The following CCDC150 variants were observed in gnomAD, a reference collection of about 807,000 sequenced individuals.
The protein encoded by CCDC150 is coiled-coil domain-containing protein 150.
Under a neutral mutation model 156.5 loss-of-function variants are expected in CCDC150, and 151 were observed. That is an observed-to-expected ratio of 0.97 (90% CI 0.85 to 1.10). The LOEUF (loss-of-function observed/expected upper bound fraction) is 1.10, where lower values mean the gene tolerates loss of function less well. Among genes scored for constraint, CCDC150 ranks in the 50% least tolerant of loss-of-function variants. CCDC150 has a pLI of 0.00. For missense variants in CCDC150, 1,312 were observed against 1,268.1 expected (o/e 1.03, Z -0.53); for synonymous variants, 452 against 429.4 (o/e 1.05, Z -0.65).
chr2:196,696,823 T>C (rs1695858928), intron 14 of CCDC150, among the ~76,000 whole-genome samples: 1 of 152,242 alleles, frequency 6.6e-6, no homozygotes, highest in Non-Finnish European at 1.5e-5. Context: ...TGAAATTCTT[T>C]ATAAAGAGTA....
chr2:196,692,180 T>C (rs1362335548), intron 13 of CCDC150, among the ~76,000 whole-genome samples: 3 of 139,656 alleles, frequency 2.1e-5, no homozygotes, highest in African/African-American at 8.0e-5. Context: ...CAGGCCGGAC[T>C]GCGGACTGCA....
At chr2:196,688,236 A>G (rs1183822348) in intron 13 of CCDC150, among the ~76,000 whole-genome samples, 2 of 152,210 alleles carry the variant, frequency 1.3e-5, no homozygotes, top group Non-Finnish European at 2.9e-5. Context: ...ATCCATGAGC[A>G]TGGAATGTTT....
intron 21 of CCDC150, among the ~76,000 whole-genome samples, chr2:196,725,430 A>G (rs1303061902): frequency 6.6e-6 from 1 of 152,232 alleles, no homozygotes; most frequent in African/African-American, 2.4e-5. Context: ...AAGATTAATC[A>G]TGGGTCTTGA....
chr2:196,712,446 C>A (rs532736865), intron 16 of CCDC150, 194 bp downstream of exon 16: 2 of 567,530 alleles, frequency 3.5e-6, no homozygotes, highest in East Asian at 5.6e-5. Context: ...TGTAAAGATA[C>A]CTGAAGCAGG....
chr2:196,657,388 G>A, intron 4 of CCDC150: 1 of 404,416 alleles, frequency 2.5e-6, no homozygotes, highest in Non-Finnish European at 4.6e-6. Flanking sequence ...GGGTCCAGAG[G>A]TATGAGATAG....
At chr2:196,732,406 C>A in intron 27 of CCDC150, 40 bp from the exon 28 acceptor site, 1 of 1,438,616 alleles carries the variant, frequency 7.0e-7, no homozygotes, top group Non-Finnish European at 9.8e-7. Context: ...CTGCAGTTAG[C>A]TCTGAACAGT....
At chr2:196,694,435 GGAACTA>G (rs1478861625) in intron 13 of CCDC150, among the ~76,000 whole-genome samples, 2 of 152,076 alleles carry the variant, frequency 1.3e-5, no homozygotes, top group African/African-American at 4.8e-5. Flanking sequence ...ATAGTAAAGG[GGAACTA>G]TATAATTTAC....
intron 18 of CCDC150, 65 bp downstream of exon 18, chr2:196,718,696 G>A (rs1697692901): frequency 6.5e-7 from 1 of 1,545,098 alleles, no homozygotes; most frequent in Non-Finnish European, 8.7e-7. Context: ...TCTTTCATGA[G>A]CCATATGTTT....
At chr2:196,669,202 A>G (rs988864948) in intron 7 of CCDC150, among the ~76,000 whole-genome samples, 4 of 152,154 alleles carry the variant, frequency 2.6e-5, no homozygotes, top group African/African-American at 9.7e-5. Flanking sequence ...AAATATCTAC[A>G]TTTGGATGCC....
intron 13 of CCDC150, among the ~76,000 whole-genome samples, chr2:196,686,499 A>C (rs1695138059): frequency 6.6e-6 from 1 of 152,204 alleles, no homozygotes; most frequent in Non-Finnish European, 1.5e-5. Context: ...TTAACATCTC[A>C]GCAATATTGA....
At chr2:196,670,918 C>A (rs1279090118) in intron 8 of CCDC150, among the ~76,000 whole-genome samples, 1 of 152,050 alleles carries the variant, frequency 6.6e-6, no homozygotes, top group African/African-American at 2.4e-5. Flanking sequence ...AGAGATTTCC[C>A]AAATACCTTC....
chr2:196,664,780 C>G (rs79028731), intron 5 of CCDC150, among the ~76,000 whole-genome samples: 3,727 of 152,218 alleles, frequency 0.024, 57 homozygotes, highest in Non-Finnish European at 0.039. Context: ...CCCCCACCCC[C>G]CAGCCAATCA....
rs781134730 is a variant in CCDC150 at position 196,701,179 on chromosome 2, A to G, written c.1694A>G (p.Gln565Arg). 7.6e-6 allele frequency: 12 copies of G among 1,578,106 alleles called. No homozygotes were observed. In the East Asian group the frequency reaches 2.2e-4, roughly 30 times the overall value. Residue 565 changes from glutamine (Q) to arginine (R), a missense_variant and splice_region_variant, in exon 15 of 28, where the codon CAG (glutamine) becomes CGG (arginine). Coordinates refer to ENST00000389175, the MANE Select transcript of CCDC150 (RefSeq NM_001080539.2). ...NKLAYENGKL[Q>R]IKVKQLEEQV... ...CTGGCCTATGAAAACGGAAAACTCC[A>G]GGTATGAGATTTATTTTCTGATTTT...
At chr2:196,668,532 G>A (rs1693997942) in intron 7 of CCDC150, among the ~76,000 whole-genome samples, 1 of 152,154 alleles carries the variant, frequency 6.6e-6, no homozygotes, top group African/African-American at 2.4e-5. Flanking sequence ...AAACTGACAT[G>A]AGGAAAAGGA....
rs561975338 is a variant in CCDC150 at position 196,659,817 on chromosome 2, C to T, written c.645+957C>T. Among the ~76,000 whole-genome samples, 3 of 152,086 alleles carry T rather than the reference C, an allele frequency of 2.0e-5. No homozygotes were observed. In the East Asian group the frequency reaches 5.8e-4, roughly 29 times the overall value. ...GATACTTTTGTAACATTTGATGAGC[C>T]AATATTGAGCCATCATTTAGTGAAA... On this transcript the variant is annotated intron_variant, in intron 5 of 27. Transcript: ENST00000389175.
At position 196,646,347 on chromosome 2, in the gene CCDC150, A is replaced by G; in HGVS notation, c.19A>G (p.Met7Val). 3 of 1,613,526 alleles carry G rather than the reference A, an allele frequency of 1.9e-6. No individual in the cohort carries two copies. The highest frequency in any genetic ancestry group is 2.7e-5 in the African/African-American group (2 of 75,056). Residue 7 changes from methionine (M) to valine (V), a missense_variant, in exon 2 of 28, where the codon ATG becomes GTG. Met to Val is a conservative substitution (Grantham distance 21). Coordinates refer to ENST00000389175, the MANE Select transcript of CCDC150 (RefSeq NM_001080539.2). The part of the protein sequence containing the change: MDCKVH[M>V]ETTVSRPVLS... ...ATTGTGACTGTATTCTTAGGTACAT[A>G]TGGAAACTACAGTGTCCAGACCGGT...
rs183948041 is a variant in CCDC150, at chr2:196,664,629, A to T, written c.646-938A>T. Among the ~76,000 whole-genome samples the T allele has an allele frequency of 1.2e-3, 179 of 152,252 alleles. 1 individual carries two copies. Among genetic ancestry groups the T allele is most frequent in the African/African-American group, 4.2e-3 (173 of 41,544 alleles). ...CTCATTACATAGGCATGATTGATTA[A>T]ATCATTGGCCATTGATGATCAACTT... On this transcript the variant is annotated intron_variant, in intron 5 of 27. Coordinates refer to ENST00000389175, the MANE Select transcript of CCDC150 (RefSeq NM_001080539.2).
At chr2:196,729,512 G>C in intron 23 of CCDC150, 125 bp downstream of exon 23, 1 of 930,502 alleles carries the variant, frequency 1.1e-6, no homozygotes, top group East Asian at 2.4e-5. Flanking sequence ...ATTATAGCCA[G>C]TTGTCTTTGG....
At chr2:196,685,856 C>T (rs868285372) in intron 13 of CCDC150, among the ~76,000 whole-genome samples, 24 of 152,148 alleles carry the variant, frequency 1.6e-4, no homozygotes, top group Middle Eastern at 3.4e-3. Flanking sequence ...CCTCGTGATC[C>T]GCCCGCCTCA....
Sources: gnomAD v4.1 joint callset for allele counts (sites outside exome capture counted in the v4.1 genomes callset) on GRCh38, gnomAD v4.1.1 for gene constraint, MANE v1.5 for transcripts, NCBI Gene and HGNC (gene_info 2026-07-23, HGNC 2026-07-21) for gene names.